Variants in POFUT3 observed in about 807,000 individuals in gnomAD.
The protein encoded by POFUT3 is GDP-fucose protein O-fucosyltransferase 3.
At chr8:33,315,189 C>T in the POFUT3 span, among the ~76,000 whole-genome samples, 184 of 152,298 alleles carry the variant, frequency 1.2e-3, no homozygotes, top group African/African-American at 4.2e-3. Context: ...TTTCACTATA[C>T]TGCCATCCCT....
chr8:33,461,431 T>C, the POFUT3 span: 1 of 1,613,436 alleles, frequency 6.2e-7, no homozygotes, highest in Non-Finnish European at 8.5e-7. Context: ...GCCAAAAGCT[T>C]CCTCCTCTGA....
At chr8:33,362,989 T>G in the POFUT3 span, among the ~76,000 whole-genome samples, 3 of 152,084 alleles carry the variant, frequency 2.0e-5, no homozygotes, top group Non-Finnish European at 4.4e-5. Flanking sequence ...CACCACATCA[T>G]GCTTATTCTA....
At chr8:33,348,605 AAAG>A in the POFUT3 span, among the ~76,000 whole-genome samples, 2 of 152,228 alleles carry the variant, frequency 1.3e-5, no homozygotes, top group South Asian at 2.1e-4. Flanking sequence ...ATATGTAATG[AAAG>A]AAGAAGAGTA....
At chr8:33,396,901 T>C in the POFUT3 span, among the ~76,000 whole-genome samples, 4 of 152,192 alleles carry the variant, frequency 2.6e-5, no homozygotes. Flanking sequence ...AGACTTTCTT[T>C]TTGCTAAAAG....
At chr8:33,455,098 G>T in the POFUT3 span, among the ~76,000 whole-genome samples, 3 of 152,068 alleles carry the variant, frequency 2.0e-5, no homozygotes, top group Non-Finnish European at 4.4e-5. Context: ...CATAACATGG[G>T]TTTTATGTTT....
At chr8:33,325,920 G>C in the POFUT3 span, among the ~76,000 whole-genome samples, 1 of 152,068 alleles carries the variant, frequency 6.6e-6, no homozygotes, top group Non-Finnish European at 1.5e-5. Context: ...CACACCCCGC[G>C]CCCACCTGTG....
chr8:33,313,368 T>C, the POFUT3 span, among the ~76,000 whole-genome samples: 1 of 152,228 alleles, frequency 6.6e-6, no homozygotes, highest in Non-Finnish European at 1.5e-5. Context: ...CTCAGAATGC[T>C]AAATCCTCAG....
At chr8:33,397,981 G>C in the POFUT3 span, among the ~76,000 whole-genome samples, 1 of 151,964 alleles carries the variant, frequency 6.6e-6, no homozygotes, top group Non-Finnish European at 1.5e-5. Flanking sequence ...GAGAATTCTG[G>C]GACTTCAAAG....
chr8:33,384,999 A>C, the POFUT3 span, among the ~76,000 whole-genome samples: 1 of 152,126 alleles, frequency 6.6e-6, no homozygotes, highest in Admixed American at 6.5e-5. Context: ...CACTCAGAAG[A>C]AGCCAGCCTC....
chr8:33,370,287 G>A, the POFUT3 span, among the ~76,000 whole-genome samples: 1 of 151,694 alleles, frequency 6.6e-6, no homozygotes, highest in Non-Finnish European at 1.5e-5. Context: ...CCCAGGAGGT[G>A]GAGGTTGCAG....
chr8:33,425,945 C>T, the POFUT3 span, among the ~76,000 whole-genome samples: 1 of 151,918 alleles, frequency 6.6e-6, no homozygotes, highest in African/African-American at 2.4e-5. Flanking sequence ...TCTTGTTGCT[C>T]CAGGCTGGAG....
chr8:33,460,089 CT>C, the POFUT3 span, among the ~76,000 whole-genome samples: 2 of 151,934 alleles, frequency 1.3e-5, no homozygotes, highest in South Asian at 4.2e-4. Context: ...ACTTGGGAGG[CT>C]GAGGCAGGAA....
chr8:33,452,158 T>A, the POFUT3 span: 1 of 152,160 alleles, frequency 6.6e-6, no homozygotes, highest in Non-Finnish European at 1.5e-5. Flanking sequence ...TATGTATACG[T>A]GTGTACAACT....
At chr8:33,395,174 C>A in the POFUT3 span, among the ~76,000 whole-genome samples, 3 of 152,136 alleles carry the variant, frequency 2.0e-5, no homozygotes, top group Non-Finnish European at 2.9e-5. Context: ...GGGTCCCTGG[C>A]AAGGGTTCTA....
At chr8:33,358,669 T>C in the POFUT3 span, among the ~76,000 whole-genome samples, 3 of 152,112 alleles carry the variant, frequency 2.0e-5, no homozygotes, top group Non-Finnish European at 4.4e-5. Flanking sequence ...GATTAAGTCA[T>C]GAGGATGGAG....
At chr8:33,409,709 T>C in the POFUT3 span, among the ~76,000 whole-genome samples, 21 of 152,074 alleles carry the variant, frequency 1.4e-4, 2 homozygotes, top group South Asian at 4.2e-3. Flanking sequence ...ACTGAGACCA[T>C]CCTGGCTAAC....
chr8:33,432,838 G>A, the POFUT3 span, among the ~76,000 whole-genome samples: 1 of 152,132 alleles, frequency 6.6e-6, no homozygotes, highest in East Asian at 1.9e-4. Flanking sequence ...GGAATTTTCA[G>A]GATGATAAAA....
chr8:33,334,378 C>T, the POFUT3 span, among the ~76,000 whole-genome samples: 2 of 152,116 alleles, frequency 1.3e-5, no homozygotes, highest in African/African-American at 2.4e-5. Flanking sequence ...CCACCACACT[C>T]GGCTAAGTTT....
At chr8:33,412,610 C>T in the POFUT3 span, among the ~76,000 whole-genome samples, 2,220 of 152,182 alleles carry the variant, frequency 0.015, 57 homozygotes, top group African/African-American at 0.049. Flanking sequence ...TGCATCTCTG[C>T]TTTGCCATCT....
Sources: gnomAD v4.1 joint callset for allele counts (sites outside exome capture counted in the v4.1 genomes callset) on GRCh38, gnomAD v4.1.1 for gene constraint, MANE v1.5 for transcripts, NCBI Gene and HGNC (gene_info 2026-07-23, HGNC 2026-07-21) for gene names.